Variants in AQR observed in about 807,000 individuals in gnomAD.
AQR encodes the protein RNA helicase aquarius.
AQR carries 61 observed loss-of-function variants against 180.5 expected under a neutral mutation model. The ratio of observed to expected loss-of-function variants is 0.34; its 90% CI spans 0.28 to 0.42. AQR has a LOEUF of 0.42. Among genes scored for constraint, AQR ranks in the 10% least tolerant of loss-of-function variants. The pLI is 1.00. For missense variants in AQR, 1,281 were observed against 1,798.3 expected, an observed-to-expected ratio of 0.71 and a Z score of 5.20; for synonymous variants, 551 against 588.8, an observed-to-expected ratio of 0.94 and a Z score of 0.93.
chr15:34,882,766 T>C (rs1892994465), intron 26 of AQR, 127 bp from the exon 27 acceptor site: 1 of 827,150 alleles, frequency 1.2e-6, no homozygotes, highest in African/African-American at 1.8e-5. Flanking sequence ...GCCTAATGAA[T>C]TATAATTCTG....
chr15:34,959,919 T>C (rs1372878957), intron 3 of AQR, among the ~76,000 whole-genome samples: 1 of 152,204 alleles, frequency 6.6e-6, no homozygotes, highest in African/African-American at 2.4e-5. Flanking sequence ...GGCAGGTGGA[T>C]CACTTGGGGC....
intron 27 of AQR, among the ~76,000 whole-genome samples, chr15:34,876,883 C>T (rs1262913667): frequency 6.6e-6 from 1 of 152,170 alleles, no homozygotes; most frequent in Non-Finnish European, 1.5e-5. Flanking sequence ...CACTTTTAGT[C>T]TAGTTGGTTC....
intron 5 of AQR, among the ~76,000 whole-genome samples, chr15:34,946,743 C>CGGGA (rs1412023480): frequency 1.4e-5 from 2 of 141,006 alleles, no homozygotes; most frequent in African/African-American, 5.3e-5. Flanking sequence ...CCGCCCCGTC[C>CGGGA]GGGAGGGAGG....
intron 14 of AQR, among the ~76,000 whole-genome samples, chr15:34,919,300 CAT>C (rs1893646933): frequency 6.7e-6 from 1 of 150,330 alleles, no homozygotes; most frequent in Admixed American, 6.6e-5. Context: ...GCTAAAATGA[CAT>C]ATTCTTAAAA....
intron 17 of AQR, among the ~76,000 whole-genome samples, chr15:34,908,264 C>T (rs1181203192): frequency 9.2e-5 from 14 of 151,984 alleles, no homozygotes; most frequent in Admixed American, 7.2e-4. Flanking sequence ...GGTGAAACCC[C>T]GTCTCTACTA....
In AQR at chr15:34,884,569, C is replaced by G. The variant is rs1893027695; in HGVS notation, c.2983G>C (p.Glu995Gln). 6.2e-7 allele frequency: 1 copy of G among 1,602,926 alleles called. No individual in the cohort carries two copies. The highest frequency in any genetic ancestry group is 2.2e-5 in the East Asian group (1 of 44,506). ...RSYEEDMEIA[E>Q]GCFRHIKKIF... ...TTCTTAATATGCCTGAAACATCCTTCAGCAATTTCCATGTCTTCTTCATAA... is the reference window on the plus strand; with the variant it reads ...TTCTTAATATGCCTGAAACATCCTTGAGCAATTTCCATGTCTTCTTCATAA... Residue 995 changes from glutamate (E) to glutamine (Q), a missense_variant, in exon 26 of 35, where the codon GAA becomes CAA. Coordinates refer to ENST00000156471, the MANE Select transcript of AQR (RefSeq NM_014691.3).
chr15:34,863,146 C>A, intron 32 of AQR, 105 bp from the exon 33 acceptor site: 2 of 1,064,028 alleles, frequency 1.9e-6, no homozygotes, highest in South Asian at 2.1e-5. Context: ...TAAGCCCTGG[C>A]AATAAAAAGT....
chr15:34,892,245 G>A (rs1371003501), intron 23 of AQR, among the ~76,000 whole-genome samples: 2 of 152,136 alleles, frequency 1.3e-5, no homozygotes, highest in Non-Finnish European at 2.9e-5. Context: ...GCTTCAGAAT[G>A]ACTAAAGTAG....
rs1566984211 is a variant in AQR, at chr15:34,895,190, AT to A, written c.2461-1418del. Among the ~76,000 whole-genome samples the A allele has an allele frequency of 1.1e-3, 56 of 52,274 alleles. 2 individuals carry two copies. The highest frequency in any genetic ancestry group is 1.3e-3 in the Non-Finnish European group (33 of 26,360). 34.3% of individuals were successfully genotyped at this position (52,274 alleles called of 152,430 possible). Reference sequence around the variant, plus strand: ...AAAAAAAAAAAAAAAAAAAAAAAATATATATATATATATATATATATATATA... The same window carrying A: ...AAAAAAAAAAAAAAAAAAAAAAAATAATATATATATATATATATATATATA... On this transcript the variant is annotated intron_variant, in intron 22 of 34. Coordinates refer to ENST00000156471, the MANE Select transcript of AQR (RefSeq NM_014691.3).
At chr15:34,879,304 C>G (rs1892933814) in intron 27 of AQR, among the ~76,000 whole-genome samples, 2 of 152,206 alleles carry the variant, frequency 1.3e-5, no homozygotes, top group African/African-American at 4.8e-5. Context: ...CTGGCTGAAA[C>G]TGGCTGGAAC....
intron 3 of AQR, among the ~76,000 whole-genome samples, chr15:34,955,276 G>T (rs1055569308): frequency 6.6e-6 from 1 of 152,010 alleles, no homozygotes; most frequent in Non-Finnish European, 1.5e-5. Context: ...AGGACTTAAC[G>T]TGCATTTCAT....
intron 13 of AQR, among the ~76,000 whole-genome samples, chr15:34,924,018 T>C (rs978993967): frequency 3.9e-5 from 6 of 152,222 alleles, no homozygotes; most frequent in Non-Finnish European, 8.8e-5. Context: ...ATTCACACCT[T>C]GGGTCCTCTT....
intron 12 of AQR, among the ~76,000 whole-genome samples, chr15:34,930,042 G>T (rs1343283817): frequency 1.3e-5 from 2 of 152,158 alleles, no homozygotes; most frequent in African/African-American, 4.8e-5. Flanking sequence ...ACATTTCTGA[G>T]TAGCAAATAT....
At chr15:34,863,218 A>G (rs991862734) in intron 32 of AQR, 177 bp from the exon 33 acceptor site, 13 of 560,564 alleles carry the variant, frequency 2.3e-5, no homozygotes, top group Non-Finnish European at 3.6e-5. Context: ...ACCAAGTAAA[A>G]GTTAAGGCTT....
chr15:34,898,806 C>T (rs917938594), intron 20 of AQR, among the ~76,000 whole-genome samples: 2 of 150,804 alleles, frequency 1.3e-5, no homozygotes, highest in East Asian at 3.9e-4. Flanking sequence ...ATGGCGTGAA[C>T]CCGGGAGGCA....
intron 12 of AQR, among the ~76,000 whole-genome samples, chr15:34,928,083 A>G (rs1459597112): frequency 6.6e-6 from 1 of 152,162 alleles, no homozygotes; most frequent in African/African-American, 2.4e-5. Context: ...GGACAAAAAC[A>G]CTAATGCTCT....
intron 17 of AQR, among the ~76,000 whole-genome samples, chr15:34,908,517 T>C (rs1893453492): frequency 6.6e-6 from 1 of 152,196 alleles, no homozygotes; most frequent in Admixed American, 6.5e-5. Context: ...CTGTGATCAA[T>C]ATAGGGGCTG....
intron 2 of AQR, among the ~76,000 whole-genome samples, chr15:34,962,679 G>T (rs985640996): frequency 6.6e-6 from 1 of 151,628 alleles, no homozygotes; most frequent in Non-Finnish European, 1.5e-5. Context: ...TGAGGCAGAA[G>T]AATCGCTTGA....
intron 13 of AQR, among the ~76,000 whole-genome samples, chr15:34,925,876 T>TA (rs1224216255): frequency 2.1e-5 from 3 of 146,182 alleles, no homozygotes; most frequent in Non-Finnish European, 4.5e-5. Flanking sequence ...GATTAACTTT[T>TA]AAAAAAATAA....
Sources: allele counts gnomAD v4.1 joint callset (sites outside exome capture counted in the v4.1 genomes callset), GRCh38; gene constraint gnomAD v4.1.1; transcripts MANE v1.5; gene names NCBI Gene and HGNC (gene_info 2026-07-23, HGNC 2026-07-21).